Variants in MAP2 observed in about 807,000 individuals in gnomAD.
MAP2 encodes the protein microtubule-associated protein 2.
A neutral mutation model predicts 137.6 loss-of-function variants in MAP2; 14 were observed. The ratio of observed to expected loss-of-function variants is 0.10; its 90% CI spans 0.07 to 0.16. MAP2 has a LOEUF of 0.16. Ranked by LOEUF, MAP2 falls within the 10% of genes least tolerant of loss-of-function variation. The probability of loss-of-function intolerance (pLI) is 1.00; values close to 1 mark genes in which losing one functional copy is unlikely to be tolerated. For missense variants in MAP2, 2,088 were observed against 2,191.5 expected, an observed-to-expected ratio of 0.95 and a Z score of 0.94; for synonymous variants, 786 against 782.3, an observed-to-expected ratio of 1.00 and a Z score of -0.08.
At chr2:209,489,397 A>AT (rs760297723) in intron 1 of MAP2, among the ~76,000 whole-genome samples, 46 of 152,220 alleles carry the variant, frequency 3.0e-4, no homozygotes, top group Non-Finnish European at 5.7e-4. Flanking sequence ...CCAAAGGATC[A>AT]TAACTCCTCG....
chr2:209,462,983 G>GCA (rs145524379), intron 1 of MAP2, among the ~76,000 whole-genome samples: 22 of 150,120 alleles, frequency 1.5e-4, no homozygotes, highest in South Asian at 4.2e-4. Context: ...CCAGCATAAT[G>GCA]CACACACACA....
chr2:209,710,647 C>T (rs767604832), intron 13 of MAP2: 11 of 163,384 alleles, frequency 6.7e-5, no homozygotes, highest in Non-Finnish European at 1.2e-4. Flanking sequence ...CCAATTTTAT[C>T]TCCTTTCTTC....
At chr2:209,448,719 C>G (rs189575528) in intron 1 of MAP2, among the ~76,000 whole-genome samples, 2 of 152,150 alleles carry the variant, frequency 1.3e-5, no homozygotes, top group Non-Finnish European at 1.5e-5. Context: ...TTTTGTCTCT[C>G]AAATCTCCTG....
At chr2:209,525,342 A>G (rs1433210854) in intron 2 of MAP2, among the ~76,000 whole-genome samples, 1 of 152,184 alleles carries the variant, frequency 6.6e-6, no homozygotes, top group Non-Finnish European at 1.5e-5. Context: ...TTATCTAGGC[A>G]TAAAACAGCT....
intron 2 of MAP2, among the ~76,000 whole-genome samples, chr2:209,537,016 C>G (rs2066057548): frequency 6.6e-6 from 1 of 152,126 alleles, no homozygotes. Flanking sequence ...CAAGAGTATA[C>G]AGGCATACCT....
At chr2:209,582,700 T>C (rs958306367) in intron 3 of MAP2, among the ~76,000 whole-genome samples, 1 of 151,322 alleles carries the variant, frequency 6.6e-6, no homozygotes, top group East Asian at 1.9e-4. Flanking sequence ...GATAGATAGA[T>C]AGAATATTTT....
chr2:209,500,593 A>AT lies in MAP2; in HGVS notation c.-221-6989dup, dbSNP rs943291390. Reference sequence around the variant, plus strand: ...TTAGTATTTCCTTGTGACAATAGGAATTTTTTTTTTCCATCGTGGCTTTTT... The same window carrying AT: ...TTAGTATTTCCTTGTGACAATAGGAATTTTTTTTTTTCCATCGTGGCTTTTT... On this transcript the variant is annotated intron_variant, in intron 1 of 15. Coordinates refer to ENST00000682079, the MANE Select transcript of MAP2 (RefSeq NM_001375505.1). 1.8e-3 allele frequency among the ~76,000 whole-genome samples: 272 copies of AT among 150,950 alleles called. 1 individual carries two copies. Among genetic ancestry groups the AT allele is most frequent in the African/African-American group, 6.3e-3 (260 of 41,208 alleles).
chr2:209,658,626 C>G (rs1352039543), intron 5 of MAP2, among the ~76,000 whole-genome samples: 1 of 151,960 alleles, frequency 6.6e-6, no homozygotes, highest in Admixed American at 6.5e-5. Flanking sequence ...CTTGCCTCAG[C>G]CTCCAGAGTA....
At chr2:209,677,765 TA>T (rs1051413647) in intron 5 of MAP2, among the ~76,000 whole-genome samples, 3 of 151,730 alleles carry the variant, frequency 2.0e-5, no homozygotes, top group African/African-American at 4.8e-5. Context: ...GCCCTCCTTT[TA>T]AAAAAAATGA....
chr2:209,639,190 A>T, intron 4 of MAP2, among the ~76,000 whole-genome samples: 1 of 152,092 alleles, frequency 6.6e-6, no homozygotes, highest in Non-Finnish European at 1.5e-5. Flanking sequence ...TTTTAATGAA[A>T]AGGAACTCTT....
At chr2:209,537,217 A>G (rs1427751018) in intron 2 of MAP2, among the ~76,000 whole-genome samples, 1 of 152,032 alleles carries the variant, frequency 6.6e-6, no homozygotes, top group Non-Finnish European at 1.5e-5. Flanking sequence ...AAACTTTTAA[A>G]TTATTTTTTG....
chr2:209,485,870 G>T (rs1021320360), intron 1 of MAP2, among the ~76,000 whole-genome samples: 1 of 152,196 alleles, frequency 6.6e-6, no homozygotes, highest in Non-Finnish European at 1.5e-5. Context: ...AGTTGGAAAT[G>T]TTCCCTTCTG....
intron 3 of MAP2, among the ~76,000 whole-genome samples, chr2:209,607,004 G>T (rs1291380526): frequency 6.6e-6 from 1 of 151,938 alleles, no homozygotes; most frequent in African/African-American, 2.4e-5. Flanking sequence ...GTATTTTATT[G>T]TTAATGATGA....
At chr2:209,588,951 C>G (rs2078500230) in intron 3 of MAP2, among the ~76,000 whole-genome samples, 1 of 152,034 alleles carries the variant, frequency 6.6e-6, no homozygotes, top group Non-Finnish European at 1.5e-5. Context: ...TCACATAATT[C>G]TGGCTGTACT....
chr2:209,564,106 T>C (rs568754390), intron 2 of MAP2, among the ~76,000 whole-genome samples: 38 of 151,810 alleles, frequency 2.5e-4, no homozygotes, highest in Middle Eastern at 3.4e-3. Flanking sequence ...TTACCTGTTA[T>C]TACCGATCGC....
chr2:209,552,363 T>C (rs904880721), intron 2 of MAP2, among the ~76,000 whole-genome samples: 3 of 152,156 alleles, frequency 2.0e-5, no homozygotes, highest in Non-Finnish European at 4.4e-5. Flanking sequence ...TTTTAAACAT[T>C]GGGGTTTACA....
At position 209,435,948 on chromosome 2, in the gene MAP2, T is replaced by TATATATACCGTATATATTATATATA. The variant is rs1559159086; in HGVS notation, c.-222+11680_-222+11681insCGTATATATTATATATAATATATAC. 4.0e-3 allele frequency among the ~76,000 whole-genome samples: 226 copies of TATATATACCGTATATATTATATATA among 56,156 alleles called. 12 individuals carry two copies. In the East Asian group the frequency reaches 0.11, roughly 27 times the overall value. The allele number at this position is 56,156 out of a possible 152,430, so 36.8% of individuals were successfully genotyped here. On this transcript the variant is annotated intron_variant, in intron 1 of 15. Coordinates refer to ENST00000682079, the MANE Select transcript of MAP2 (RefSeq NM_001375505.1). ...TATATATTATATATATAATATATAC[T>TATATATACCGTATATATTATATATA]ATATATACAGTATATATTATATATA...
intron 1 of MAP2, among the ~76,000 whole-genome samples, chr2:209,471,589 G>A (rs1340014341): frequency 1.3e-5 from 2 of 152,124 alleles, no homozygotes; most frequent in Admixed American, 1.3e-4. Flanking sequence ...TTTAAGAACT[G>A]TGGGAACTTT....
chr2:209,450,741 A>T (rs991989082), intron 1 of MAP2, among the ~76,000 whole-genome samples: 2 of 152,176 alleles, frequency 1.3e-5, no homozygotes, highest in Non-Finnish European at 2.9e-5. Context: ...ACTGTAGCTC[A>T]TTGGAAAGTC....
Sources: allele counts gnomAD v4.1 joint callset (sites outside exome capture counted in the v4.1 genomes callset), GRCh38; gene constraint gnomAD v4.1.1; transcripts MANE v1.5; gene names NCBI Gene and HGNC (gene_info 2026-07-23, HGNC 2026-07-21).